The following ODAD4 variants were observed in gnomAD, a reference collection of about 807,000 sequenced individuals.
The protein encoded by ODAD4 is outer dynein arm-docking complex subunit 4.
A neutral mutation model predicts 51.8 loss-of-function variants in ODAD4; 49 were observed. The observed-to-expected ratio is 0.95, with a 90% confidence interval of 0.75 to 1.20. The LOEUF is 1.20. Ranked by LOEUF, ODAD4 falls within the 50% of genes most tolerant of loss-of-function variation. The pLI, the probability that ODAD4 is intolerant of heterozygous loss-of-function variation, is 0.00. For missense variants in ODAD4, 590 were observed against 586.5 expected (o/e 1.01, Z -0.06); for synonymous variants, 235 against 221.3 (o/e 1.06, Z -0.55).
At chr17:41,936,958 G>A (rs782218512) in intron 5 of ODAD4, 31 bp downstream of exon 5, 1 of 1,608,226 alleles carries the variant, frequency 6.2e-7, no homozygotes, top group Non-Finnish European at 8.5e-7. Flanking sequence ...ACGGGGCCTT[G>A]GGGGAAAGGA....
At chr17:41,936,693 C>G in intron 4 of ODAD4, 69 bp from the exon 5 acceptor site, 1 of 1,587,762 alleles carries the variant, frequency 6.3e-7, no homozygotes, top group Non-Finnish European at 8.6e-7. Context: ...GATCACAGAC[C>G]CTAGGGCCAT....
intron 7 of ODAD4, among the ~76,000 whole-genome samples, chr17:41,939,619 G>A (rs541598346): frequency 1.3e-5 from 2 of 152,310 alleles, no homozygotes; most frequent in South Asian, 2.1e-4. Flanking sequence ...CCAGTGTGGT[G>A]AGAAATACAT....
Position 41,930,693 on chromosome 17 carries a change from C to A in ODAD4, c.-31C>A. 1 of 1,409,720 alleles carries A rather than the reference C, an allele frequency of 7.1e-7. No individual in the cohort carries two copies. Among genetic ancestry groups the A allele is most frequent in the Non-Finnish European group, 9.9e-7 (1 of 1,007,466 alleles). The allele number at this position is 1,409,720 out of a possible 1,614,324, so 87.3% of individuals were successfully genotyped here. On this transcript the variant is annotated 5_prime_UTR_variant, in exon 1 of 12. Coordinates refer to ENST00000377540, the MANE Select transcript of ODAD4 (RefSeq NM_031421.5). ...GGTTCTCCAGCTTTTCTTTGATTGT[C>A]TCTGCTTTAGCGTCTCTAAATCCGG...
intron 9 of ODAD4, among the ~76,000 whole-genome samples, chr17:41,954,239 G>A (rs184320188): frequency 8.0e-5 from 12 of 149,444 alleles, no homozygotes; most frequent in Admixed American, 5.3e-4. Flanking sequence ...CGCCCACCTT[G>A]GCCTCCCAAA....
intron 8 of ODAD4, among the ~76,000 whole-genome samples, chr17:41,948,043 G>A (rs2050610396): frequency 1.3e-5 from 2 of 152,024 alleles, no homozygotes; most frequent in East Asian, 1.9e-4. Context: ...ACTTGAACCC[G>A]GGAGGTGGAG....
intron 10 of ODAD4, among the ~76,000 whole-genome samples, chr17:41,955,626 C>CCA (rs1409755643): frequency 6.6e-6 from 1 of 152,010 alleles, no homozygotes; most frequent in Non-Finnish European, 1.5e-5. Flanking sequence ...CAGGGTTTCA[C>CCA]TGTTAGCCAG....
At chr17:41,945,860 C>G (rs1054149960) in intron 8 of ODAD4, among the ~76,000 whole-genome samples, 2 of 151,974 alleles carry the variant, frequency 1.3e-5, no homozygotes, top group Non-Finnish European at 2.9e-5. Flanking sequence ...GAGATCATGC[C>G]GCTGCACTCC....
intron 10 of ODAD4, among the ~76,000 whole-genome samples, chr17:41,960,364 C>T (rs1156447473): frequency 1.3e-5 from 2 of 152,226 alleles, no homozygotes; most frequent in East Asian, 1.9e-4. Context: ...AGGAGAATGG[C>T]GTGAACCCAG....
At chr17:41,939,823 G>A (rs1429003337) in intron 7 of ODAD4, among the ~76,000 whole-genome samples, 2 of 152,158 alleles carry the variant, frequency 1.3e-5, no homozygotes, top group African/African-American at 4.8e-5. Context: ...GGGCTGTGGA[G>A]TCAGGCAGAC....
At chr17:41,945,693 G>A (rs1181773622) in intron 8 of ODAD4, among the ~76,000 whole-genome samples, 1 of 152,098 alleles carries the variant, frequency 6.6e-6, no homozygotes, top group Non-Finnish European at 1.5e-5. Flanking sequence ...GAGGTCAGGA[G>A]TTCGAGACCA....
At chr17:41,950,149 T>C (rs1476990170) in intron 9 of ODAD4, among the ~76,000 whole-genome samples, 1,776 of 151,818 alleles carry the variant, frequency 0.012, 19 homozygotes, top group Non-Finnish European at 0.013. Context: ...TTTGTATTTT[T>C]AGTAGAGACG....
Position 41,945,128 on chromosome 17 carries a change from C to T in ODAD4, c.1059-8C>T. ...TAGTGAATGGCTTGTTTTGCTTCTT[C>T]CCCACAGTGACCTTCCTGATGCAAA... On this transcript the variant is annotated splice_polypyrimidine_tract_variant and splice_region_variant and intron_variant, in intron 7 of 11. Coordinates refer to ENST00000377540, the MANE Select transcript of ODAD4 (RefSeq NM_031421.5). 1 of 1,610,622 alleles carries T rather than the reference C, an allele frequency of 6.2e-7. No individual in the cohort carries two copies. The highest frequency in any genetic ancestry group is 8.5e-7 in the Non-Finnish European group (1 of 1,178,144).
intron 10 of ODAD4, among the ~76,000 whole-genome samples, chr17:41,956,912 T>G (rs2050741836): frequency 6.6e-6 from 1 of 152,110 alleles, no homozygotes; most frequent in African/African-American, 2.4e-5. Flanking sequence ...TTGCTTTTTA[T>G]GTATTTATTT....
rs782399696 is a variant in ODAD4, at chr17:41,930,847, G to C, written c.114+10G>C. On this transcript the variant is annotated intron_variant, in intron 1 of 11. Coordinates refer to ENST00000377540, the MANE Select transcript of ODAD4 (RefSeq NM_031421.5). ...GCAGAGCTTCAGCAACGTGAGTCGAGCTCTCAACCTATCCATCACCCCATC... is the reference window on the plus strand; with the variant it reads ...GCAGAGCTTCAGCAACGTGAGTCGACCTCTCAACCTATCCATCACCCCATC... The C allele has an allele frequency of 2.4e-6, 3 of 1,236,752 alleles. No individual in the cohort carries two copies. The Admixed American group carries it at 6.2e-5, about 25-fold the overall frequency. The allele number at this position is 1,236,752 out of a possible 1,614,324, so 76.6% of individuals were successfully genotyped here. A position where few individuals can be genotyped will look rare whatever the true frequency, so the allele number is the denominator to read the frequency against.
chr17:41,965,454 GGAAAT>G lies in ODAD4; in HGVS notation c.1993_1997del (p.Asn665AspfsTer6), dbSNP rs2050870332. ...AGAAATAGGAGAAACGAAAAAAACAGGAAATGAGATGGAAAAGGAATATGAATGAA... is the reference window on the plus strand; with the variant it reads ...AGAAATAGGAGAAACGAAAAAAACAGGAGATGGAAAAGGAATATGAATGAA... On this transcript the variant is annotated frameshift_variant, in exon 12 of 12. Coordinates refer to ENST00000377540, the MANE Select transcript of ODAD4 (RefSeq NM_031421.5). LOFTEE classifies it low-confidence loss of function (END_TRUNC). The G allele has an allele frequency of 1.3e-6, 1 of 773,822 alleles. No individual in the cohort carries two copies. The highest frequency in any genetic ancestry group is 1.7e-5 in the African/African-American group (1 of 58,416). 47.9% of individuals were successfully genotyped at this position (773,822 alleles called of 1,614,324 possible).
At position 41,930,678 on chromosome 17, in the gene ODAD4, C is replaced by CT. The variant is rs782739939; in HGVS notation, c.-42dup. On this transcript the variant is annotated 5_prime_UTR_variant, in exon 1 of 12. The change abolishes the stop of an existing upstream ORF in the 5' untranslated region. Coordinates refer to ENST00000377540, the MANE Select transcript of ODAD4 (RefSeq NM_031421.5). ...CACAAACCAGATAGAGGTTCTCCAG[C>CT]TTTTCTTTGATTGTCTCTGCTTTAG... 1 of 1,298,500 alleles carries CT rather than the reference C, an allele frequency of 7.7e-7. No homozygotes were observed. The highest frequency in any genetic ancestry group is 1.3e-5 in the South Asian group (1 of 79,956). The allele number at this position is 1,298,500 out of a possible 1,614,324, so 80.4% of individuals were successfully genotyped here.
Position 41,936,544 on chromosome 17 carries a change from CT to C in ODAD4, c.459+11del, listed in dbSNP as rs1309154082. The C allele has an allele frequency of 7.4e-6, 12 of 1,611,082 alleles. No homozygotes were observed. In the African/African-American group the frequency reaches 1.6e-4, roughly 22 times the overall value. Reference sequence around the variant, plus strand: ...AAGCAAGCAGGCTGAGGTAAGGGCCCTGGTTCTGTGGTTGTATCCCTCCAAG... The same window carrying C: ...AAGCAAGCAGGCTGAGGTAAGGGCCCGGTTCTGTGGTTGTATCCCTCCAAG... On this transcript the variant is annotated intron_variant, in intron 4 of 11. Transcript: ENST00000377540.
chr17:41,950,666 G>C (rs2050640391), intron 9 of ODAD4, among the ~76,000 whole-genome samples: 1 of 151,920 alleles, frequency 6.6e-6, no homozygotes, highest in African/African-American at 2.4e-5. Context: ...GTGAGCCACT[G>C]CGCCTGGCCG....
In ODAD4 at chr17:41,938,786, GTGT is replaced by G. The variant is rs1328340835; in HGVS notation, c.850+10_850+12del. On this transcript the variant is annotated splice_donor_region_variant and intron_variant, in intron 6 of 11. Coordinates refer to ENST00000377540, the MANE Select transcript of ODAD4 (RefSeq NM_031421.5). Reference sequence around the variant, plus strand: ...GCCTGGAGGACATTGATATGTGTAGGTGTTGTTCTCAGAGGGTGGGGCAGGTGC... The same window carrying G: ...GCCTGGAGGACATTGATATGTGTAGGTGTTCTCAGAGGGTGGGGCAGGTGC... 6.2e-6 allele frequency: 10 copies of G among 1,612,004 alleles called. No individual in the cohort carries two copies. The African/African-American group carries it at 9.3e-5, about 15-fold the overall frequency.
Sources: allele counts gnomAD v4.1 joint callset (sites outside exome capture counted in the v4.1 genomes callset), GRCh38; gene constraint gnomAD v4.1.1; transcripts MANE v1.5; gene names NCBI Gene and HGNC (gene_info 2026-07-23, HGNC 2026-07-21).